Variants in KCND2 observed in about 807,000 individuals in gnomAD.
The protein encoded by KCND2 is potassium voltage-gated channel subfamily D member 2, also known as A-type voltage-gated potassium channel KCND2.
Under a neutral mutation model 54.4 loss-of-function variants are expected in KCND2, and 16 were observed. The ratio of observed to expected loss-of-function variants is 0.29; its 90% confidence interval spans 0.20 to 0.45. The LOEUF (loss-of-function observed/expected upper bound fraction) is 0.45. Among genes scored for constraint, KCND2 ranks in the 20% least tolerant of loss-of-function variants. The pLI is 1.00. For missense variants in KCND2, 486 were observed against 824.2 expected (o/e 0.59, Z 5.02); for synonymous variants, 317 against 310.7 (o/e 1.02, Z -0.21).
At chr7:120,447,586 G>A (rs897041132) in intron 1 of KCND2, among the ~76,000 whole-genome samples, 1 of 152,080 alleles carries the variant, frequency 6.6e-6, no homozygotes, top group African/African-American at 2.4e-5. Context: ...AGTCCTGTCT[G>A]TGAGAATAAT....
chr7:120,308,328 CAT>C (rs1799678648), intron 1 of KCND2, among the ~76,000 whole-genome samples: 1 of 152,082 alleles, frequency 6.6e-6, no homozygotes, highest in Non-Finnish European at 1.5e-5. Context: ...TCTAGTCTAA[CAT>C]AGCTTTATCC....
intron 1 of KCND2, among the ~76,000 whole-genome samples, chr7:120,670,657 C>G (rs1252179665): frequency 6.6e-6 from 1 of 152,056 alleles, no homozygotes; most frequent in Non-Finnish European, 1.5e-5. Context: ...TGGCTCATGT[C>G]TGTAATCCCA....
intron 4 of KCND2, among the ~76,000 whole-genome samples, chr7:120,744,976 A>G (rs956832102): frequency 1.3e-5 from 2 of 152,172 alleles, no homozygotes; most frequent in South Asian, 2.1e-4. Context: ...CCATGTTTCT[A>G]TAAAATACGA....
At position 120,275,169 on chromosome 7, in the gene KCND2, C is replaced by T; in HGVS notation, c.537C>T (p.His179=). ...TCTGGAGGGCCTTCGAGAACCCCCA[C>T]ACCAGCACGATGGCCCTGGTGTTCT... ...QRVWRAFENP[H]TSTMALVFYY... Residue 179 remains histidine, a synonymous_variant, in exon 1 of 6, where the codon CAC becomes CAT. Coordinates refer to ENST00000331113, the MANE Select transcript of KCND2 (RefSeq NM_012281.3). 6.2e-7 allele frequency: 1 copy of T among 1,614,076 alleles called. No homozygotes were observed. Among genetic ancestry groups the T allele is most frequent in the Non-Finnish European group, 8.5e-7 (1 of 1,180,016 alleles).
rs1792970728 is a variant in KCND2 at position 120,612,623 on chromosome 7, C to G, written c.1116-120280C>G. On this transcript the variant is annotated intron_variant, in intron 1 of 5. Transcript: ENST00000331113. Reference sequence around the variant, plus strand: ...TCAGACTATTTTCCACAGGCACACACTAAGATCCAAATACCCATAATACAC... The same window carrying G: ...TCAGACTATTTTCCACAGGCACACAGTAAGATCCAAATACCCATAATACAC... Among the ~76,000 whole-genome samples the G allele has an allele frequency of 2.0e-5, 3 of 152,168 alleles. 1 individual carries two copies. The highest frequency in any genetic ancestry group is 1.3e-4 in the Admixed American group (2 of 15,276).
At chr7:120,461,089 A>G (rs780857489) in intron 1 of KCND2, among the ~76,000 whole-genome samples, 28 of 152,164 alleles carry the variant, frequency 1.8e-4, no homozygotes, top group Admixed American at 3.9e-4. Flanking sequence ...TCACAAGACA[A>G]TGTGCTGCCT....
intron 1 of KCND2, among the ~76,000 whole-genome samples, chr7:120,607,596 A>G (rs1014507243): frequency 2.0e-5 from 3 of 152,144 alleles, no homozygotes; most frequent in Admixed American, 6.6e-5. Flanking sequence ...CCTTTTAGGT[A>G]GATTCAAAAT....
intron 1 of KCND2, among the ~76,000 whole-genome samples, chr7:120,389,899 A>G (rs1801047148): frequency 6.6e-6 from 1 of 151,924 alleles, no homozygotes; most frequent in Non-Finnish European, 1.5e-5. Flanking sequence ...ATGGAGTCAT[A>G]AGAAACTCCC....
chr7:120,393,873 C>G (rs898837179), intron 1 of KCND2, among the ~76,000 whole-genome samples: 1 of 151,878 alleles, frequency 6.6e-6, no homozygotes, highest in African/African-American at 2.4e-5. Context: ...CCACCATAGG[C>G]TTAAAAATGA....
chr7:120,396,849 TTTG>T (rs1801162427), intron 1 of KCND2, among the ~76,000 whole-genome samples: 1 of 152,018 alleles, frequency 6.6e-6, no homozygotes, highest in South Asian at 2.1e-4. Flanking sequence ...CCAGTGGGTT[TTTG>T]TTGTTGTTAT....
chr7:120,331,024 T>A (rs1800060089), intron 1 of KCND2, among the ~76,000 whole-genome samples: 1 of 152,132 alleles, frequency 6.6e-6, no homozygotes, highest in Admixed American at 6.6e-5. Flanking sequence ...GAAAATAGTT[T>A]TTGTGTGATT....
intron 1 of KCND2, among the ~76,000 whole-genome samples, chr7:120,515,801 C>A (rs187770256): frequency 6.6e-6 from 1 of 152,192 alleles, no homozygotes; most frequent in East Asian, 1.9e-4. Flanking sequence ...GGAAGCCAAA[C>A]GTTGAAATGG....
chr7:120,362,370 G>A (rs546695489), intron 1 of KCND2, among the ~76,000 whole-genome samples: 6 of 152,076 alleles, frequency 3.9e-5, no homozygotes, highest in South Asian at 4.2e-4. Flanking sequence ...TTTATAAGCC[G>A]TCGTATTCAT....
At chr7:120,618,909 C>T (rs976609520) in intron 1 of KCND2, among the ~76,000 whole-genome samples, 1 of 151,964 alleles carries the variant, frequency 6.6e-6, no homozygotes, top group Non-Finnish European at 1.5e-5. Flanking sequence ...AACTCCTGGG[C>T]TCAAACAATC....
chr7:120,353,295 T>C (rs1800444477), intron 1 of KCND2, among the ~76,000 whole-genome samples: 2 of 151,998 alleles, frequency 1.3e-5, no homozygotes, highest in Admixed American at 6.6e-5. Flanking sequence ...ATTTGCTTCT[T>C]CAAAACCTAC....
intron 1 of KCND2, among the ~76,000 whole-genome samples, chr7:120,406,165 G>A (rs1009747944): frequency 1.3e-5 from 2 of 151,788 alleles, no homozygotes; most frequent in African/African-American, 2.4e-5. Context: ...CCTACCAATC[G>A]TTAAATAAAA....
intron 1 of KCND2, among the ~76,000 whole-genome samples, chr7:120,483,657 C>CA (rs1393588761): frequency 6.6e-6 from 1 of 152,020 alleles, no homozygotes; most frequent in Middle Eastern, 3.2e-3. Flanking sequence ...AGAGTAGGAA[C>CA]AGTAGAACAA....
At position 120,558,111 on chromosome 7, in the gene KCND2, C is replaced by A. The variant is rs1446143858; in HGVS notation, c.1116-174792C>A. The stretch of plus-strand genomic sequence containing the variant: ...ACGGATCTCCAACTTTTTCAGAGAC[C>A]TTTCAAAATTGTCATACAAATTTTT... On this transcript the variant is annotated intron_variant, in intron 1 of 5. Coordinates refer to ENST00000331113, the MANE Select transcript of KCND2 (RefSeq NM_012281.3). 2.0e-5 allele frequency among the ~76,000 whole-genome samples: 3 copies of A among 152,068 alleles called. No individual in the cohort carries two copies. In the East Asian group the frequency reaches 5.8e-4, roughly 29 times the overall value.
At chr7:120,638,538 C>G (rs554783042) in intron 1 of KCND2, among the ~76,000 whole-genome samples, 1 of 152,194 alleles carries the variant, frequency 6.6e-6, no homozygotes, top group East Asian at 1.9e-4. Flanking sequence ...AGCTTGTTCT[C>G]TCAAGGGTGA....
Sources: gnomAD v4.1 joint callset for allele counts (sites outside exome capture counted in the v4.1 genomes callset) on GRCh38, gnomAD v4.1.1 for gene constraint, MANE v1.5 for transcripts, NCBI Gene and HGNC (gene_info 2026-07-23, HGNC 2026-07-21) for gene names.